Variants in RGS5 observed in about 807,000 individuals in gnomAD.
RGS5 encodes regulator of G protein signaling 5, also known as regulator of G-protein signalling 5.
Under a neutral mutation model 18.9 loss-of-function variants are expected in RGS5, and 20 were observed. That is an observed-to-expected ratio of 1.06 (90% confidence interval 0.74 to 1.54). The LOEUF (loss-of-function observed/expected upper bound fraction) is 1.54. Among genes scored for constraint, RGS5 ranks in the 40% most tolerant of loss-of-function variants. The pLI, the probability that RGS5 is intolerant of heterozygous loss-of-function variation, is 0.00. For synonymous variants in RGS5, 57 were observed against 76.2 expected (o/e 0.75, Z 1.31); for missense variants, 201 against 211.8 (o/e 0.95, Z 0.32).
At chr1:163,236,835 C>A (rs1300898543) in intron 2 of RGS5, among the ~76,000 whole-genome samples, 1 of 152,088 alleles carries the variant, frequency 6.6e-6, no homozygotes, top group Admixed American at 6.5e-5. Context: ...GTGGCACATG[C>A]CTGTAATCCC....
chr1:163,183,964 A>G (rs549255661), intron 1 of RGS5, among the ~76,000 whole-genome samples: 2 of 152,208 alleles, frequency 1.3e-5, no homozygotes, highest in Non-Finnish European at 2.9e-5. Context: ...TGCAAATCAC[A>G]TTCCTGAAAA....
intron 2 of RGS5, among the ~76,000 whole-genome samples, chr1:163,239,843 G>A (rs1647738927): frequency 6.6e-6 from 1 of 152,082 alleles, no homozygotes; most frequent in South Asian, 2.1e-4. Context: ...TTTAGTTTTT[G>A]CATAACATGG....
At chr1:163,155,373 T>C (rs1364586903) in intron 3 of RGS5, among the ~76,000 whole-genome samples, 1 of 152,222 alleles carries the variant, frequency 6.6e-6, no homozygotes, top group African/African-American at 2.4e-5. Context: ...ATTTCCTGGA[T>C]ACTAATTTTG....
At position 163,313,853 on chromosome 1, in the gene RGS5, C is replaced by T. The variant is rs1009356786; in HGVS notation, c.-377-7524G>A. Among the ~76,000 whole-genome samples, 7 of 152,150 alleles carry T rather than the reference C, an allele frequency of 4.6e-5. No homozygotes were observed. The South Asian group carries it at 6.2e-4, about 14-fold the overall frequency. ...TTAACACTGCCTCCACCAGTGTAAGCGTTTGAGATTAGGAAGCACAGTAGA... is the reference window on the plus strand; with the variant it reads ...TTAACACTGCCTCCACCAGTGTAAGTGTTTGAGATTAGGAAGCACAGTAGA... On this transcript the variant is annotated intron_variant, in intron 1 of 5. Transcript: ENST00000618415.
chr1:163,319,080 G>C (rs956222), intron 1 of RGS5: 56 of 152,168 alleles, frequency 3.7e-4, no homozygotes, highest in African/African-American at 1.3e-3. Context: ...TCAACTTTTT[G>C]TCCCTATTGA....
Position 163,289,060 on chromosome 1 carries a change from A to G in RGS5, c.-281+17173T>C, listed in dbSNP as rs1649214972. Reference sequence around the variant, plus strand: ...TCCTAAGCAGTCACCTTTTCTCCATATTGCAACCAGAATATCAAATAAATT... The same window carrying G: ...TCCTAAGCAGTCACCTTTTCTCCATGTTGCAACCAGAATATCAAATAAATT... On this transcript the variant is annotated intron_variant, in intron 2 of 5. Transcript: ENST00000618415. Among the ~76,000 whole-genome samples the G allele has an allele frequency of 4.6e-5, 7 of 151,988 alleles. No individual in the cohort carries two copies. The South Asian group carries it at 1.5e-3, about 32-fold the overall frequency.
At chr1:163,187,970 A>C (rs953875514) in intron 1 of RGS5, among the ~76,000 whole-genome samples, 4 of 152,032 alleles carry the variant, frequency 2.6e-5, no homozygotes, top group Non-Finnish European at 5.9e-5. Context: ...ATTGAACTGG[A>C]GGACTCTCAG....
At chr1:163,303,075 T>A (rs1649592880) in intron 2 of RGS5, among the ~76,000 whole-genome samples, 1 of 152,224 alleles carries the variant, frequency 6.6e-6, no homozygotes, top group Admixed American at 6.5e-5. Context: ...ATGCTAGATT[T>A]TGAAAGAACA....
At chr1:163,224,539 C>A (rs1201674205) in intron 2 of RGS5, among the ~76,000 whole-genome samples, 1 of 152,144 alleles carries the variant, frequency 6.6e-6, no homozygotes, top group Non-Finnish European at 1.5e-5. Flanking sequence ...CTTCGACATG[C>A]TGATTTCATT....
rs78863681 is a variant in RGS5, at chr1:163,279,222, T to A, written c.-281+27011A>T. Among the ~76,000 whole-genome samples the A allele has an allele frequency of 4.2e-4, 64 of 152,168 alleles. 1 individual carries two copies. In the East Asian group the frequency reaches 8.5e-3, roughly 20 times the overall value. On this transcript the variant is annotated intron_variant, in intron 2 of 5. Transcript: ENST00000618415. ...TCCTCCAACAGCTGCAGAATACACA[T>A]CCTTCTCATCAGCACATGGAACATT...
chr1:163,181,604 T>C (rs1241267657), intron 1 of RGS5, among the ~76,000 whole-genome samples: 2 of 152,188 alleles, frequency 1.3e-5, no homozygotes, highest in East Asian at 3.8e-4. Flanking sequence ...AAGTTATGGA[T>C]AGCACGTTTT....
intron 1 of RGS5, among the ~76,000 whole-genome samples, chr1:163,200,555 T>A (rs761257181): frequency 6.6e-6 from 1 of 152,058 alleles, no homozygotes; most frequent in Non-Finnish European, 1.5e-5. Context: ...CCCCTTAGAA[T>A]AGACAGTGTT....
intron 1 of RGS5, chr1:163,213,020 C>T (rs543180169): frequency 6.6e-6 from 1 of 152,172 alleles, no homozygotes; most frequent in South Asian, 2.1e-4. Context: ...GTAGCTCACA[C>T]AAGAAAAAAT....
At chr1:163,297,027 A>G (rs1230499571) in intron 2 of RGS5, among the ~76,000 whole-genome samples, 1 of 152,202 alleles carries the variant, frequency 6.6e-6, no homozygotes, top group African/African-American at 2.4e-5. Flanking sequence ...AAAGGTATTG[A>G]CTTAAATTTG....
chr1:163,275,763 T>C (rs1648836319), intron 2 of RGS5, among the ~76,000 whole-genome samples: 1 of 152,112 alleles, frequency 6.6e-6, no homozygotes, highest in South Asian at 2.1e-4. Flanking sequence ...TAAAGATTAC[T>C]TTAAAGAAAA....
intron 2 of RGS5, among the ~76,000 whole-genome samples, chr1:163,235,112 C>G (rs1647589616): frequency 6.6e-6 from 1 of 152,118 alleles, no homozygotes; most frequent in Admixed American, 6.6e-5. Flanking sequence ...GTTGTTGCAG[C>G]CATCTTTGAA....
At chr1:163,288,635 T>C (rs3010368) in intron 2 of RGS5, among the ~76,000 whole-genome samples, 140,504 of 152,130 alleles carry the variant, frequency 0.92, 65,593 homozygotes, top group South Asian at 1. Flanking sequence ...TTTAGCAGGG[T>C]CAATAGTCTT....
chr1:163,267,579 G>A (rs1391854571), intron 2 of RGS5, among the ~76,000 whole-genome samples: 1 of 152,052 alleles, frequency 6.6e-6, no homozygotes, highest in Admixed American at 6.6e-5. Context: ...ATTATAAATT[G>A]TGCCCCCTAC....
At chr1:163,302,106 G>C (rs1171609861) in intron 2 of RGS5, among the ~76,000 whole-genome samples, 1 of 150,154 alleles carries the variant, frequency 6.7e-6, no homozygotes, top group Non-Finnish European at 1.5e-5. Context: ...TAAATCTCTT[G>C]GGAGCATCTT....
Sources: gnomAD v4.1 joint callset for allele counts (sites outside exome capture counted in the v4.1 genomes callset) on GRCh38, gnomAD v4.1.1 for gene constraint, MANE v1.5 for transcripts, NCBI Gene and HGNC (gene_info 2026-07-23, HGNC 2026-07-21) for gene names.